The following SPMAP2 variants were observed in gnomAD, a reference collection of about 807,000 sequenced individuals.
SPMAP2 encodes the protein sperm microtubule associated protein 2, also known as Theg homolog.
chr19:367,554 T>G, the SPMAP2 span, among the ~76,000 whole-genome samples: 1 of 152,110 alleles, frequency 6.6e-6, no homozygotes, highest in African/African-American at 2.4e-5. Context: ...GCTCACAAAT[T>G]TGGCAACAAT....
chr19:371,324 T>C, the SPMAP2 span: 2 of 1,451,176 alleles, frequency 1.4e-6, no homozygotes, highest in Non-Finnish European at 1.8e-6. Context: ...GGAGTCGTCC[T>C]GGGGGAGGTC....
chr19:362,421 T>C, the SPMAP2 span: 1 of 1,599,288 alleles, frequency 6.3e-7, no homozygotes, highest in Non-Finnish European at 8.5e-7. Context: ...GACTGAGCTT[T>C]GGGCCCTAGT....
chr19:363,338 G>A, the SPMAP2 span, among the ~76,000 whole-genome samples: 1 of 151,596 alleles, frequency 6.6e-6, no homozygotes, highest in Non-Finnish European at 1.5e-5. Flanking sequence ...GACTACAGAC[G>A]TGCACCACCA....
the SPMAP2 span, chr19:371,325 G>A: frequency 1.4e-6 from 2 of 1,452,324 alleles, no homozygotes; most frequent in Non-Finnish European, 9.1e-7. Flanking sequence ...GAGTCGTCCT[G>A]GGGGAGGTCC....
chr19:368,217 T>C, the SPMAP2 span, among the ~76,000 whole-genome samples: 1 of 152,154 alleles, frequency 6.6e-6, no homozygotes, highest in Admixed American at 6.5e-5. The surrounding 1 kb of genome is among the most constrained non-coding windows in gnomAD (Gnocchi z 4.1). Flanking sequence ...CATAGTGCAC[T>C]GAAAGTGTGT....
the SPMAP2 span, among the ~76,000 whole-genome samples, chr19:364,336 CAAAAAAAAAAAAAAAAAA>C: frequency 1.3e-5 from 1 of 74,160 alleles, no homozygotes; most frequent in African/African-American, 6.5e-5. Flanking sequence ...AGCTCTGTCT[CAAAAAAAAAAAAAAAAAA>C]AAGAAAGAAA....
At chr19:362,156 C>G in the SPMAP2 span, 14 of 1,368,846 alleles carry the variant, frequency 1.0e-5, no homozygotes, top group Non-Finnish European at 1.2e-5. Context: ...TAATCACATA[C>G]ACAGGGTTAG....
the SPMAP2 span, among the ~76,000 whole-genome samples, chr19:364,861 C>T: frequency 1.2e-4 from 19 of 152,152 alleles, no homozygotes; most frequent in African/African-American, 4.3e-4. Context: ...GCATAGCAGC[C>T]GGGGCTGTCC....
chr19:372,703 A>G, the SPMAP2 span: 11 of 1,613,856 alleles, frequency 6.8e-6, no homozygotes, highest in African/African-American at 2.7e-5. Flanking sequence ...GGACACCGCT[A>G]TGCAAAATGG....
chr19:371,175 G>A, the SPMAP2 span: 1 of 1,313,344 alleles, frequency 7.6e-7, no homozygotes, highest in East Asian at 2.8e-5. Flanking sequence ...GCCTGGCGGG[G>A]GTGAGTCGCG....
chr19:371,011 A>G, the SPMAP2 span, among the ~76,000 whole-genome samples: 2 of 152,208 alleles, frequency 1.3e-5, no homozygotes, highest in Non-Finnish European at 2.9e-5. Context: ...CCCGGACTGA[A>G]GCGCAGGGAA....
the SPMAP2 span, among the ~76,000 whole-genome samples, chr19:367,595 A>C: frequency 6.6e-6 from 1 of 152,224 alleles, no homozygotes; most frequent in South Asian, 2.1e-4. Flanking sequence ...AGCCCTGGTG[A>C]GAGGCTCTCA....
At chr19:371,034 G>A in the SPMAP2 span, among the ~76,000 whole-genome samples, 2 of 152,178 alleles carry the variant, frequency 1.3e-5, no homozygotes, top group Non-Finnish European at 2.9e-5. Flanking sequence ...ATGACCCCTG[G>A]GCGGCTCTGA....
the SPMAP2 span, chr19:375,654 G>A: frequency 1.5e-4 from 232 of 1,539,502 alleles, 1 homozygote; most frequent in Non-Finnish European, 1.8e-4. Flanking sequence ...CCCGTTCCCC[G>A]GTGCCCACCT....
chr19:374,681 A>G, the SPMAP2 span: 1 of 522,270 alleles, frequency 1.9e-6, no homozygotes, highest in Non-Finnish European at 3.4e-6. Context: ...TCCTCTGTGA[A>G]TTGGAGGTGA....
chr19:370,342 G>GT, the SPMAP2 span, among the ~76,000 whole-genome samples: 1 of 130,916 alleles, frequency 7.6e-6, no homozygotes, highest in Non-Finnish European at 1.7e-5. Flanking sequence ...GATATTCACA[G>GT]TTTTGTTTTT....
the SPMAP2 span, among the ~76,000 whole-genome samples, chr19:370,050 AC>A: frequency 2.0e-5 from 3 of 152,080 alleles, no homozygotes; most frequent in Admixed American, 2.0e-4. Flanking sequence ...TGGCCAGGAT[AC>A]GGCGCACCTG....
chr19:362,765 T>TAAAA, the SPMAP2 span, among the ~76,000 whole-genome samples: 14 of 57,474 alleles, frequency 2.4e-4, no homozygotes, highest in African/African-American at 5.5e-4. Flanking sequence ...GACTCCATCT[T>TAAAA]AAAAAAAAAA....
chr19:364,361 GAAAA>G, the SPMAP2 span, among the ~76,000 whole-genome samples: 2 of 142,250 alleles, frequency 1.4e-5, no homozygotes, highest in Non-Finnish European at 3.1e-5. Context: ...AAAAAAGAAA[GAAAA>G]AAAAAGAAAA....
Sources: allele counts gnomAD v4.1 joint callset (sites outside exome capture counted in the v4.1 genomes callset), GRCh38; gene constraint gnomAD v4.1.1; non-coding constraint Gnocchi (gnomAD v3.1); transcripts MANE v1.5; gene names NCBI Gene and HGNC (gene_info 2026-07-23, HGNC 2026-07-21).